The following OR7D2 variants were observed in gnomAD, a reference collection of about 807,000 sequenced individuals.
OR7D2 encodes the protein olfactory receptor 7D2.
For missense variants in OR7D2, 370 were observed against 384.1 expected (o/e 0.96, Z 0.31); for synonymous variants, 158 against 158.7 (o/e 1.00, Z 0.03).
intron 2 of OR7D2, among the ~76,000 whole-genome samples, 179 bp downstream of exon 2, chr19:9,180,967 A>G (rs1186550763): frequency 6.6e-6 from 1 of 152,090 alleles, no homozygotes; most frequent in African/African-American, 2.4e-5. Context: ...TCTATTAAAA[A>G]TACAAAAATT....
chr19:9,181,444 CTT>C (rs911771352), intron 2 of OR7D2, among the ~76,000 whole-genome samples: 87 of 77,942 alleles, frequency 1.1e-3, no homozygotes, highest in African/African-American at 4.6e-3. Flanking sequence ...ATTTCCTAGA[CTT>C]TTTTTTTTTT....
intron 2 of OR7D2, among the ~76,000 whole-genome samples, chr19:9,181,990 A>G (rs189050511): frequency 6.6e-6 from 1 of 152,332 alleles, no homozygotes; most frequent in East Asian, 1.9e-4. Context: ...GTGTTAAGAT[A>G]GATGGTTGGG....
At chr19:9,179,360 T>C (rs1385868230) in intron 1 of OR7D2, among the ~76,000 whole-genome samples, 2 of 151,980 alleles carry the variant, frequency 1.3e-5, no homozygotes, top group African/African-American at 4.8e-5. Flanking sequence ...GCCAACTTGG[T>C]GAAACCCCAT....
chr19:9,186,881 C>T lies in OR7D2; in HGVS notation c.*161C>T, dbSNP rs2051040668. ...CATTTGCATAAGGGTGAAGTCTGAG[C>T]TTTTGGCGTACCAATTACCTGAATA... On this transcript the variant is annotated 3_prime_UTR_variant, in exon 3 of 3. Coordinates refer to ENST00000641288, the MANE Select transcript of OR7D2 (RefSeq NM_175883.4). 3.5e-6 allele frequency: 2 copies of T among 566,060 alleles called. No individual in the cohort carries two copies. The highest frequency in any genetic ancestry group is 7.0e-5 in the Admixed American group (2 of 28,370). The allele number at this position is 566,060 out of a possible 1,614,324, so 35.1% of individuals were successfully genotyped here.
intron 2 of OR7D2, chr19:9,182,577 T>G (rs2050998291): frequency 6.2e-6 from 1 of 161,162 alleles, no homozygotes; most frequent in Non-Finnish European, 1.3e-5. Context: ...GAGTGCAGTG[T>G]CGCGAGATCT....
chr19:9,183,956 A>C (rs1033473221), intron 2 of OR7D2, among the ~76,000 whole-genome samples: 10 of 31,476 alleles, frequency 3.2e-4, no homozygotes, highest in Admixed American at 2.1e-3. Context: ...ACTCCGTCTC[A>C]AAAAAAAAAA....
rs1018582307 is a variant in OR7D2, at chr19:9,186,634, T to C, written c.853T>C (p.Leu285=). ...GATGTACACTGTGGTCACCCCCATG[T>C]TGAACCCCTTCATCTACAGCCTGAG... is the stretch of plus-strand genomic sequence containing the variant. ...SVMYTVVTPM[L]NPFIYSLRNK... Residue 285 remains leucine (L), a synonymous_variant, in exon 3 of 3, where the codon TTG becomes CTG. Transcript: ENST00000641288. The C allele has an allele frequency of 1.7e-5, 28 of 1,613,978 alleles. No individual in the cohort carries two copies. Among genetic ancestry groups the C allele is most frequent in the African/African-American group, 2.7e-5 (2 of 74,896 alleles).
chr19:9,186,318 C>G lies in OR7D2; in HGVS notation c.537C>G (p.Cys179Trp). 6.2e-7 allele frequency: 1 copy of G among 1,613,928 alleles called. No individual in the cohort carries two copies. The highest frequency in any genetic ancestry group is 8.5e-7 in the Non-Finnish European group (1 of 1,179,966). Residue 179 changes from cysteine to tryptophan, a missense_variant, in exon 3 of 3, where the codon TGC becomes TGG. Coordinates refer to ENST00000641288, the MANE Select transcript of OR7D2 (RefSeq NM_175883.4). Reference sequence around the variant, plus strand: ...ATTTTGAAATTCCACATTTTTTCTGCGAACTGACGTACATCCTCCAGCTGG... The same window carrying G: ...ATTTTGAAATTCCACATTTTTTCTGGGAACTGACGTACATCCTCCAGCTGG... ...CKDFEIPHFFCELTYILQLAC... is the reference protein window; with the variant it reads ...CKDFEIPHFFWELTYILQLAC...
chr19:9,185,864 T>C lies in OR7D2; in HGVS notation c.83T>C (p.Phe28Ser), dbSNP rs1324552127. The C allele has an allele frequency of 2.5e-6, 4 of 1,613,472 alleles. No homozygotes were observed. The highest frequency in any genetic ancestry group is 1.7e-6 in the Non-Finnish European group (2 of 1,179,698). The change falls in exon 3 of 3, where the codon TTT (phenylalanine) becomes TCT (serine). Residue 28 changes from phenylalanine to serine, a missense_variant. Physicochemically the swap from Phe to Ser is radical, Grantham distance 155. Transcript: ENST00000641288. ...SEDPELQPFIFGLFLSMYLVT... is the reference protein window; with the variant it reads ...SEDPELQPFISGLFLSMYLVT... Reference sequence around the variant, plus strand: ...GATCCAGAACTACAGCCGTTCATATTTGGGCTGTTCCTGTCCATGTACCTG... The same window carrying C: ...GATCCAGAACTACAGCCGTTCATATCTGGGCTGTTCCTGTCCATGTACCTG...
chr19:9,185,042 T>C (rs1047329585), intron 2 of OR7D2, among the ~76,000 whole-genome samples: 2 of 151,566 alleles, frequency 1.3e-5, no homozygotes, highest in African/African-American at 4.9e-5. Context: ...GGGGAGAAAA[T>C]GAAGAAGATG....
intron 2 of OR7D2, among the ~76,000 whole-genome samples, chr19:9,183,785 G>A (rs1289475707): frequency 2.0e-5 from 3 of 147,482 alleles, no homozygotes; most frequent in African/African-American, 7.4e-5. Context: ...GTGAAACCCC[G>A]TCTCTACTAA....
chr19:9,179,263 CCTGGTTATAG>C (rs1260718601), intron 1 of OR7D2, 140 bp downstream of exon 1: 1 of 152,168 alleles, frequency 6.6e-6, no homozygotes, highest in African/African-American at 2.4e-5. Flanking sequence ...GATTCCCTTA[CCTGGTTATAG>C]ATGTCTTAAG....
In OR7D2 at chr19:9,186,747, A is replaced by G; in HGVS notation, c.*27A>G. 6 of 1,468,916 alleles carry G rather than the reference A, an allele frequency of 4.1e-6. No homozygotes were observed. The highest frequency in any genetic ancestry group is 5.5e-6 in the Non-Finnish European group (6 of 1,084,604). 91.0% of individuals were successfully genotyped at this position (1,468,916 alleles called of 1,614,324 possible). ...GGATCCCTTGGCCCCAGGACTAAGA[A>G]GTTTTGTGAGCACCAATGGCAAAAA... On this transcript the variant is annotated 3_prime_UTR_variant, in exon 3 of 3. Coordinates refer to ENST00000641288, the MANE Select transcript of OR7D2 (RefSeq NM_175883.4).
At position 9,186,768 on chromosome 19, in the gene OR7D2, A is replaced by C; in HGVS notation, c.*48A>C. 1 of 1,257,146 alleles carries C rather than the reference A, an allele frequency of 8.0e-7. No homozygotes were observed. The highest frequency in any genetic ancestry group is 1.1e-6 in the Non-Finnish European group (1 of 902,386). 77.9% of individuals were successfully genotyped at this position (1,257,146 alleles called of 1,614,324 possible). On this transcript the variant is annotated 3_prime_UTR_variant, in exon 3 of 3. Transcript: ENST00000641288. ...AAGAAGTTTTGTGAGCACCAATGGC[A>C]AAAATGTTTTATTTTGAAATTCTTA...
At position 9,181,040 on chromosome 19, in the gene OR7D2, G is replaced by A. The variant is rs199948349; in HGVS notation, c.-14+252G>A. Among the ~76,000 whole-genome samples, 43 of 151,948 alleles carry A rather than the reference G, an allele frequency of 2.8e-4. No individual in the cohort carries two copies. In the East Asian group the frequency reaches 4.1e-3, roughly 14 times the overall value. ...CTCAGGAGGCTGAGGTGGGAGGATC[G>A]CTTAAGCCCAGGAAGTGGAGGTTGC... On this transcript the variant is annotated intron_variant, in intron 2 of 2. Coordinates refer to ENST00000641288, the MANE Select transcript of OR7D2 (RefSeq NM_175883.4).
intron 2 of OR7D2, among the ~76,000 whole-genome samples, chr19:9,184,782 T>G (rs2051018284): frequency 6.6e-6 from 1 of 152,152 alleles, no homozygotes; most frequent in Non-Finnish European, 1.5e-5. Context: ...TGTATATATA[T>G]GTATGTGTAT....
In OR7D2 at chr19:9,186,274, C is replaced by T; in HGVS notation, c.493C>T (p.His165Tyr). The stretch of plus-strand genomic sequence containing the variant: ...CCTCCTCCATATTTCTCTGATGATG[C>T]ATCTAATCTTCTGTAAAGATTTTGA... ...TSLLHISLMM[H>Y]LIFCKDFEIP... Residue 165 changes from histidine (H) to tyrosine (Y), a missense_variant, in exon 3 of 3, where the codon CAT becomes TAT. Transcript: ENST00000641288. 1 of 1,614,020 alleles carries T rather than the reference C, an allele frequency of 6.2e-7. No individual in the cohort carries two copies. The highest frequency in any genetic ancestry group is 8.5e-7 in the Non-Finnish European group (1 of 1,179,918).
chr19:9,183,412 A>G (rs1261510041), intron 2 of OR7D2, among the ~76,000 whole-genome samples: 1 of 152,086 alleles, frequency 6.6e-6, no homozygotes, highest in Non-Finnish European at 1.5e-5. Flanking sequence ...AGTGGCTGGG[A>G]CTACAGGCAC....
chr19:9,186,310 T>G lies in OR7D2; in HGVS notation c.529T>G (p.Phe177Val), dbSNP rs766002736. The G allele has an allele frequency of 1.4e-5, 23 of 1,613,982 alleles. No individual in the cohort carries two copies. The highest frequency in any genetic ancestry group is 9.3e-5 in the African/African-American group (7 of 74,890). The change falls in exon 3 of 3, where the codon TTT becomes GTT. Residue 177 changes from phenylalanine (F) to valine (V), a missense_variant. Physicochemically the swap from Phe to Val is conservative, Grantham distance 50. Coordinates refer to ENST00000641288, the MANE Select transcript of OR7D2 (RefSeq NM_175883.4). ...IFCKDFEIPH[F>V]FCELTYILQL... Reference sequence around the variant, plus strand: ...CTGTAAAGATTTTGAAATTCCACATTTTTTCTGCGAACTGACGTACATCCT... The same window carrying G: ...CTGTAAAGATTTTGAAATTCCACATGTTTTCTGCGAACTGACGTACATCCT...
Sources: allele counts gnomAD v4.1 joint callset (sites outside exome capture counted in the v4.1 genomes callset), GRCh38; gene constraint gnomAD v4.1.1; transcripts MANE v1.5; gene names NCBI Gene and HGNC (gene_info 2026-07-23, HGNC 2026-07-21).